Variants in SLC25A21 observed in about 807,000 individuals in gnomAD.
SLC25A21 encodes solute carrier family 25 member 21.
Under a neutral mutation model 43.8 loss-of-function variants are expected in SLC25A21, and 47 were observed. That is an observed-to-expected ratio of 1.07 (90% CI 0.85 to 1.37). The LOEUF (loss-of-function observed/expected upper bound fraction) is 1.37. SLC25A21 is among the 40% of genes most tolerant of loss of function. The pLI, the probability that SLC25A21 is intolerant of heterozygous loss-of-function variation, is 0.00. For synonymous variants in SLC25A21, 131 were observed against 121.3 expected, an observed-to-expected ratio of 1.08 and a Z score of -0.52; for missense variants, 352 against 350.2, an observed-to-expected ratio of 1.00 and a Z score of -0.04.
At chr14:37,163,760 C>T (rs1377764820) in intron 1 of SLC25A21, among the ~76,000 whole-genome samples, 1 of 152,000 alleles carries the variant, frequency 6.6e-6, no homozygotes, top group African/African-American at 2.4e-5. Context: ...GGAATAAATT[C>T]AATGTTTGAT....
chr14:37,168,122 C>T (rs1964063141), intron 1 of SLC25A21, among the ~76,000 whole-genome samples: 1 of 152,090 alleles, frequency 6.6e-6, no homozygotes, highest in African/African-American at 2.4e-5. Flanking sequence ...TACCATACTC[C>T]TTCCTGCAGC....
At chr14:36,853,303 G>A (rs953496559) in intron 2 of SLC25A21, among the ~76,000 whole-genome samples, 1 of 151,528 alleles carries the variant, frequency 6.6e-6, no homozygotes, top group African/African-American at 2.4e-5. Context: ...CTTAAGTAAA[G>A]CATTTTACAG....
chr14:37,172,573 C>A lies in SLC25A21; in HGVS notation c.-223G>T, dbSNP rs984421715. 10 of 701,138 alleles carry A rather than the reference C, an allele frequency of 1.4e-5. No homozygotes were observed. In the African/African-American group the frequency reaches 1.7e-4, roughly 12 times the overall value. The allele number at this position is 701,138 out of a possible 1,614,324, so 43.4% of individuals were successfully genotyped here. A position where few individuals can be genotyped will look rare whatever the true frequency, so the allele number is the denominator to read the frequency against. On this transcript the variant is annotated 5_prime_UTR_variant, in exon 1 of 10. Transcript: ENST00000331299. ...CCTGTTCGCAGCGCTCTCGCAGAGG[C>A]GCCCTCGGCTCCGAAAATGTCTCTG... is the stretch of plus-strand genomic sequence containing the variant.
intron 1 of SLC25A21, among the ~76,000 whole-genome samples, chr14:37,043,275 T>A (rs549114724): frequency 1.3e-5 from 2 of 152,188 alleles, no homozygotes; most frequent in Admixed American, 1.3e-4. Context: ...TCACAGCCAA[T>A]GATTTAAATG....
intron 1 of SLC25A21, among the ~76,000 whole-genome samples, chr14:36,967,151 A>G (rs1369724292): frequency 6.6e-6 from 1 of 152,210 alleles, no homozygotes; most frequent in South Asian, 2.1e-4. Flanking sequence ...GTCTACATAC[A>G]TCACTACTAA....
intron 9 of SLC25A21, among the ~76,000 whole-genome samples, chr14:36,683,185 G>T (rs922932769): frequency 2.6e-5 from 4 of 152,248 alleles, no homozygotes; most frequent in African/African-American, 9.6e-5. Context: ...GTCTGCAGAA[G>T]TTATTTTCTT....
chr14:36,769,238 A>G (rs1180019292), intron 3 of SLC25A21, among the ~76,000 whole-genome samples: 2 of 152,202 alleles, frequency 1.3e-5, no homozygotes, highest in Non-Finnish European at 2.9e-5. Context: ...TTAGTTTTCT[A>G]TCGTGGTGCT....
intron 1 of SLC25A21, among the ~76,000 whole-genome samples, chr14:36,975,144 CAGA>C (rs1959840695): frequency 2.0e-5 from 3 of 152,260 alleles, no homozygotes; most frequent in East Asian, 3.9e-4. Context: ...CAAGACTACG[CAGA>C]AGAAGGAAAG....
At chr14:36,694,930 G>A (rs1882951746) in intron 7 of SLC25A21, among the ~76,000 whole-genome samples, 1 of 152,100 alleles carries the variant, frequency 6.6e-6, no homozygotes, top group Non-Finnish European at 1.5e-5. Flanking sequence ...CCATTTGTCA[G>A]TTTTGGCTTT....
At chr14:36,792,810 A>G (rs1374322021) in intron 3 of SLC25A21, among the ~76,000 whole-genome samples, 1 of 152,168 alleles carries the variant, frequency 6.6e-6, no homozygotes, top group Non-Finnish European at 1.5e-5. Context: ...AATTTATGGA[A>G]CTAATTTTGG....
intron 2 of SLC25A21, among the ~76,000 whole-genome samples, chr14:36,840,018 G>A (rs1889333734): frequency 6.6e-6 from 1 of 152,156 alleles, no homozygotes; most frequent in Admixed American, 6.5e-5. Flanking sequence ...TCAAAAGTTG[G>A]TGAGAAATGG....
rs76678190 is a variant in SLC25A21 at position 37,020,590 on chromosome 14, T to C, written c.71-145586A>G. Among the ~76,000 whole-genome samples, 745 of 152,084 alleles carry C rather than the reference T, an allele frequency of 4.9e-3. 6 individuals are homozygous for C. Among genetic ancestry groups the C allele is most frequent in the African/African-American group, 0.017 (695 of 41,538 alleles). ...ATGTAAAATTGATTTTTTTCTTTAATACTAAAATTTGGTCCATCTGTCGGG... is the reference window on the plus strand; with the variant it reads ...ATGTAAAATTGATTTTTTTCTTTAACACTAAAATTTGGTCCATCTGTCGGG... On this transcript the variant is annotated intron_variant, in intron 1 of 9. Coordinates refer to ENST00000331299, the MANE Select transcript of SLC25A21 (RefSeq NM_030631.4).
intron 2 of SLC25A21, among the ~76,000 whole-genome samples, chr14:36,873,295 G>GATTT (rs909893215): frequency 4.6e-5 from 7 of 151,656 alleles, no homozygotes; most frequent in Admixed American, 3.9e-4. Context: ...TTCTTTTATT[G>GATTT]ATTTATTTAT....
At chr14:37,165,376 CA>C (rs551070807) in intron 1 of SLC25A21, among the ~76,000 whole-genome samples, 292 of 132,618 alleles carry the variant, frequency 2.2e-3, no homozygotes, top group Non-Finnish European at 3.0e-3. Context: ...GACTCCGTCT[CA>C]AAAAAAAAAA....
At chr14:36,703,748 T>C (rs1883380075) in intron 7 of SLC25A21, among the ~76,000 whole-genome samples, 1 of 152,200 alleles carries the variant, frequency 6.6e-6, no homozygotes, top group African/African-American at 2.4e-5. Context: ...TCATGACATG[T>C]AGTATTTTAA....
intron 1 of SLC25A21, among the ~76,000 whole-genome samples, chr14:37,097,621 A>C (rs1405228518): frequency 1.3e-5 from 2 of 152,062 alleles, no homozygotes; most frequent in African/African-American, 4.8e-5. Flanking sequence ...CGTGGCTCAC[A>C]CCTGTAATCC....
At chr14:36,690,459 T>A (rs1476328558) in intron 7 of SLC25A21, among the ~76,000 whole-genome samples, 1 of 152,156 alleles carries the variant, frequency 6.6e-6, no homozygotes, top group Admixed American at 6.5e-5. Flanking sequence ...GGAGCCTGGA[T>A]TTAAGCCCAG....
At chr14:37,025,275 A>G (rs1441525368) in intron 1 of SLC25A21, among the ~76,000 whole-genome samples, 1 of 152,180 alleles carries the variant, frequency 6.6e-6, no homozygotes, top group Admixed American at 6.6e-5. Context: ...TAAAATAGAA[A>G]TAATAGCTCC....
intron 1 of SLC25A21, among the ~76,000 whole-genome samples, chr14:36,967,998 G>A (rs898173793): frequency 1.3e-5 from 2 of 152,180 alleles, no homozygotes; most frequent in Non-Finnish European, 2.9e-5. Context: ...TAAGCAAGAA[G>A]GTTGGGTTAC....
Sources: gnomAD v4.1 joint callset for allele counts (sites outside exome capture counted in the v4.1 genomes callset) on GRCh38, gnomAD v4.1.1 for gene constraint, MANE v1.5 for transcripts, NCBI Gene and HGNC (gene_info 2026-07-23, HGNC 2026-07-21) for gene names.